STK33: variants seen among roughly 807,000 people sequenced by gnomAD.
STK33 encodes serine/threonine kinase 33.
Under a neutral mutation model 58.0 loss-of-function variants are expected in STK33, and 52 were observed. The ratio of observed to expected loss-of-function variants is 0.90; its 90% CI spans 0.72 to 1.13. STK33 has a LOEUF of 1.13. Ranked by LOEUF, STK33 falls within the 50% of genes most tolerant of loss-of-function variation. The probability of loss-of-function intolerance (pLI) is 0.00; values close to 1 mark genes in which losing one functional copy is unlikely to be tolerated. For missense variants in STK33, 630 were observed against 604.2 expected, an observed-to-expected ratio of 1.04 and a Z score of -0.45; for synonymous variants, 215 against 200.1, an observed-to-expected ratio of 1.07 and a Z score of -0.63.
chr11:8,464,612 G>T (rs1947946803), intron 7 of STK33, 97 bp downstream of exon 7: 5 of 787,030 alleles, frequency 6.4e-6, no homozygotes, highest in Non-Finnish European at 1.0e-5. Flanking sequence ...GGACCTCAGG[G>T]TGAGAGGCAG....
intron 15 of STK33, among the ~76,000 whole-genome samples, chr11:8,394,400 C>G (rs1008505047): frequency 1.3e-5 from 2 of 152,194 alleles, no homozygotes; most frequent in Non-Finnish European, 2.9e-5. Flanking sequence ...TGTCTTTTGA[C>G]ATTTCTACTT....
chr11:8,553,790 T>C (rs1956536404), intron 1 of STK33, among the ~76,000 whole-genome samples: 2 of 152,062 alleles, frequency 1.3e-5, no homozygotes, highest in Non-Finnish European at 2.9e-5. Context: ...TCATACCATA[T>C]ATAAAAATCA....
At chr11:8,444,402 G>A (rs533383293) in intron 11 of STK33, among the ~76,000 whole-genome samples, 72 of 151,788 alleles carry the variant, frequency 4.7e-4, no homozygotes, top group Non-Finnish European at 9.1e-4. Context: ...CTTGTTTAAT[G>A]TTTGTGCCAC....
At chr11:8,557,018 A>C (rs1331371109) in intron 1 of STK33, among the ~76,000 whole-genome samples, 2 of 151,748 alleles carry the variant, frequency 1.3e-5, no homozygotes, top group Non-Finnish European at 2.9e-5. Context: ...TGGGAGGCCA[A>C]AGCAGGAGGA....
At chr11:8,508,047 T>G (rs185880250) in intron 1 of STK33, among the ~76,000 whole-genome samples, 1 of 151,978 alleles carries the variant, frequency 6.6e-6, no homozygotes, top group Admixed American at 6.6e-5. Context: ...CCCTCCATCA[T>G]GCCCAGCTAA....
chr11:8,457,604 T>C, intron 8 of STK33, 125 bp from the exon 9 acceptor site: 4 of 866,062 alleles, frequency 4.6e-6, no homozygotes, highest in Middle Eastern at 3.6e-4. Flanking sequence ...GTATTATCTA[T>C]TATGTACAAG....
intron 9 of STK33, among the ~76,000 whole-genome samples, chr11:8,455,427 T>C (rs1946728252): frequency 6.6e-6 from 1 of 152,240 alleles, no homozygotes; most frequent in South Asian, 2.1e-4. Flanking sequence ...ACAATTTTTA[T>C]GTACATACAA....
chr11:8,405,171 G>A (rs1938887748), intron 15 of STK33, among the ~76,000 whole-genome samples: 2 of 152,160 alleles, frequency 1.3e-5, no homozygotes, highest in Non-Finnish European at 1.5e-5. Context: ...ACTATATTCT[G>A]AAAGAATAGT....
intron 1 of STK33, among the ~76,000 whole-genome samples, chr11:8,497,316 C>CA (rs1951138229): frequency 6.6e-6 from 1 of 152,022 alleles, no homozygotes; most frequent in African/African-American, 2.4e-5. Context: ...TTCAAACTGT[C>CA]AAAAAACAAA....
chr11:8,586,218 GAAAA>G (rs142885342), intron 1 of STK33, among the ~76,000 whole-genome samples: 1 of 101,934 alleles, frequency 9.8e-6, no homozygotes, highest in Admixed American at 1.2e-4. Context: ...TCCTATCTCG[GAAAA>G]AAAAAAAAAA....
At chr11:8,537,784 T>C (rs891882275) in intron 1 of STK33, among the ~76,000 whole-genome samples, 2 of 145,230 alleles carry the variant, frequency 1.4e-5, no homozygotes, top group Non-Finnish European at 3.0e-5. Context: ...CACTCCAGCC[T>C]GGGGAACAGA....
At chr11:8,456,012 C>G (rs1183147147) in intron 9 of STK33, among the ~76,000 whole-genome samples, 2 of 152,094 alleles carry the variant, frequency 1.3e-5, no homozygotes, top group African/African-American at 4.8e-5. Flanking sequence ...ACAAACATAT[C>G]ATTATGCTTT....
intron 1 of STK33, among the ~76,000 whole-genome samples, chr11:8,557,891 A>G (rs1226194952): frequency 2.0e-5 from 3 of 152,218 alleles, no homozygotes; most frequent in Non-Finnish European, 4.4e-5. Context: ...TTCTTCATAT[A>G]ATAATAAACA....
At chr11:8,531,344 A>G (rs1310071751) in intron 1 of STK33, among the ~76,000 whole-genome samples, 1 of 152,250 alleles carries the variant, frequency 6.6e-6, no homozygotes, top group Non-Finnish European at 1.5e-5. Flanking sequence ...CAAATGCTGC[A>G]TAACAAACTA....
chr11:8,341,732 C>A, the STK33 span, among the ~76,000 whole-genome samples: 1 of 152,190 alleles, frequency 6.6e-6, no homozygotes, highest in African/African-American at 2.4e-5. Flanking sequence ...CCAAATGTAA[C>A]CCCTCCCCTT....
intron 4 of STK33, among the ~76,000 whole-genome samples, chr11:8,476,011 G>A (rs1034498202): frequency 6.6e-6 from 1 of 152,138 alleles, no homozygotes; most frequent in African/African-American, 2.4e-5. Context: ...TCAGAAAGCT[G>A]TGCTTTTATC....
intron 1 of STK33, among the ~76,000 whole-genome samples, chr11:8,548,198 C>G (rs1018857173): frequency 6.6e-6 from 1 of 151,998 alleles, no homozygotes; most frequent in Admixed American, 6.6e-5. Context: ...CCAATGTCCT[C>G]AAGTATTTCC....
At chr11:8,426,707 A>AT (rs1942814422) in intron 14 of STK33, among the ~76,000 whole-genome samples, 1 of 151,436 alleles carries the variant, frequency 6.6e-6, no homozygotes, top group Non-Finnish European at 1.5e-5. Context: ...TATTTAGTTG[A>AT]TTTTCACTCT....
At chr11:8,444,578 A>G (rs772001963) in intron 11 of STK33, among the ~76,000 whole-genome samples, 1 of 152,164 alleles carries the variant, frequency 6.6e-6, no homozygotes, top group Non-Finnish European at 1.5e-5. Context: ...AGAGCAGATA[A>G]TAAGTGCATA....
Sources: allele counts gnomAD v4.1 joint callset (sites outside exome capture counted in the v4.1 genomes callset), GRCh38; gene constraint gnomAD v4.1.1; transcripts MANE v1.5; gene names NCBI Gene and HGNC (gene_info 2026-07-23, HGNC 2026-07-21).